MGMT: variants seen among roughly 807,000 people sequenced by gnomAD.
The protein encoded by MGMT is methylated-DNA--protein-cysteine methyltransferase.
In MGMT, 14 loss-of-function variants were observed where a neutral mutation model predicts 15.9. The observed-to-expected ratio is 0.88, with a 90% CI of 0.58 to 1.37. The LOEUF is 1.37. Ranked by LOEUF, MGMT falls within the 40% of genes most tolerant of loss-of-function variation. The probability of loss-of-function intolerance (pLI) is 0.00; values close to 1 mark genes in which losing one functional copy is unlikely to be tolerated. For synonymous variants in MGMT, 130 were observed against 118.2 expected (o/e 1.10, Z -0.65); for missense variants, 282 against 268.1 (o/e 1.05, Z -0.36).
At chr10:129,569,791 T>G (rs534906165) in intron 2 of MGMT, among the ~76,000 whole-genome samples, 1 of 152,308 alleles carries the variant, frequency 6.6e-6, no homozygotes, top group Non-Finnish European at 1.5e-5. Flanking sequence ...AGTGTCCCTT[T>G]GTGGGACGTG....
At chr10:129,727,137 C>T (rs1473031267) in intron 3 of MGMT, among the ~76,000 whole-genome samples, 1 of 152,194 alleles carries the variant, frequency 6.6e-6, no homozygotes, top group East Asian at 1.9e-4. Flanking sequence ...GTGAGCTTCA[C>T]TGCTGGTACT....
intron 2 of MGMT, among the ~76,000 whole-genome samples, chr10:129,704,601 G>A (rs909831189): frequency 1.3e-5 from 2 of 152,044 alleles, no homozygotes; most frequent in African/African-American, 4.8e-5. Flanking sequence ...TCCGACTGCT[G>A]GTCACAGTTA....
At chr10:129,607,695 G>A (rs544691536) in intron 2 of MGMT, among the ~76,000 whole-genome samples, 4 of 152,290 alleles carry the variant, frequency 2.6e-5, no homozygotes, top group African/African-American at 7.2e-5. Flanking sequence ...AAAGGAATTC[G>A]CAGTGCCAGT....
intron 3 of MGMT, among the ~76,000 whole-genome samples, chr10:129,708,476 G>A (rs1848193975): frequency 6.6e-6 from 1 of 152,180 alleles, no homozygotes; most frequent in Admixed American, 6.5e-5. Context: ...GCAGGTAGCA[G>A]CATTGGAGCT....
chr10:129,735,533 TG>T (rs1311438601), intron 3 of MGMT, among the ~76,000 whole-genome samples: 1 of 151,990 alleles, frequency 6.6e-6, no homozygotes, highest in East Asian at 1.9e-4. Flanking sequence ...GTTAATTTTT[TG>T]AAGGGTTTTT....
At chr10:129,638,860 T>C (rs1361929304) in intron 2 of MGMT, among the ~76,000 whole-genome samples, 1 of 152,090 alleles carries the variant, frequency 6.6e-6, no homozygotes, top group Non-Finnish European at 1.5e-5. Context: ...CTTTCAAACT[T>C]TGAGGGTAAA....
chr10:129,765,673 C>A (rs921600231), intron 4 of MGMT, among the ~76,000 whole-genome samples: 3 of 152,222 alleles, frequency 2.0e-5, no homozygotes, highest in Admixed American at 6.5e-5. Flanking sequence ...CCAGCCAAGG[C>A]AGGGGCTGAC....
intron 3 of MGMT, among the ~76,000 whole-genome samples, chr10:129,748,347 G>A (rs147451318): frequency 6.6e-6 from 1 of 152,232 alleles, no homozygotes; most frequent in African/African-American, 2.4e-5. Context: ...AGATTGTGCA[G>A]TTTGCTCCTG....
At chr10:129,525,988 C>T (rs1355073072) in intron 1 of MGMT, among the ~76,000 whole-genome samples, 3 of 152,192 alleles carry the variant, frequency 2.0e-5, no homozygotes, top group South Asian at 2.1e-4. Flanking sequence ...TTTGGTGAAA[C>T]GATTTCAATG....
At chr10:129,745,600 G>A (rs1848685908) in intron 3 of MGMT, among the ~76,000 whole-genome samples, 1 of 152,222 alleles carries the variant, frequency 6.6e-6, no homozygotes, top group South Asian at 2.1e-4. Context: ...CTTGCTGAGT[G>A]TACGCTACCG....
chr10:129,541,498 G>A (rs1485314803), intron 2 of MGMT, among the ~76,000 whole-genome samples: 3 of 152,128 alleles, frequency 2.0e-5, no homozygotes, highest in Non-Finnish European at 4.4e-5. Context: ...TTATTTTGGG[G>A]CTTGTTTAGT....
rs529560083 is a variant in MGMT at position 129,623,695 on chromosome 10, A to T, written c.126-84200A>T. 1.2e-4 allele frequency among the ~76,000 whole-genome samples: 18 copies of T among 152,120 alleles called. No individual in the cohort carries two copies. The South Asian group carries it at 3.7e-3, about 32-fold the overall frequency. On this transcript the variant is annotated intron_variant, in intron 2 of 4. Transcript: ENST00000651593. ...ATACGTGCACCACCACGCCTGGCTA[A>T]TTTTTTTGAAAGGACAAGTCTTGCT...
intron 1 of MGMT, among the ~76,000 whole-genome samples, chr10:129,485,378 G>T (rs866960567): frequency 2.0e-5 from 3 of 152,308 alleles, no homozygotes; most frequent in Middle Eastern, 3.4e-3. Context: ...GCACAGCCTG[G>T]AGGCTGCATC....
chr10:129,710,287 G>T (rs1848216775), intron 3 of MGMT, among the ~76,000 whole-genome samples: 1 of 152,198 alleles, frequency 6.6e-6, no homozygotes, highest in South Asian at 2.1e-4. Context: ...CCTCTAGCTG[G>T]GACGAGGTCC....
chr10:129,675,257 T>C (rs956036097), intron 2 of MGMT, among the ~76,000 whole-genome samples: 3 of 152,108 alleles, frequency 2.0e-5, no homozygotes, highest in African/African-American at 7.2e-5. Context: ...CAGAGGAGTT[T>C]CGTCTCGAGT....
intron 1 of MGMT, among the ~76,000 whole-genome samples, chr10:129,479,600 T>C (rs1845333187): frequency 6.6e-6 from 1 of 152,072 alleles, no homozygotes; most frequent in Admixed American, 6.5e-5. Context: ...GTGTGAGTGA[T>C]GATGGTAGAG....
At chr10:129,560,250 A>G (rs769994095) in intron 2 of MGMT, among the ~76,000 whole-genome samples, 1 of 152,226 alleles carries the variant, frequency 6.6e-6, no homozygotes, top group African/African-American at 2.4e-5. Context: ...TGTTGAGATC[A>G]TTCAAGGAAT....
intron 1 of MGMT, among the ~76,000 whole-genome samples, chr10:129,508,241 G>A (rs931704397): frequency 2.6e-5 from 4 of 152,236 alleles, no homozygotes; most frequent in East Asian, 1.9e-4. Flanking sequence ...ACTCCAGCCC[G>A]CCTGGAAGCC....
intron 1 of MGMT, among the ~76,000 whole-genome samples, chr10:129,512,213 C>G (rs770244655): frequency 6.6e-6 from 1 of 152,144 alleles, no homozygotes; most frequent in Non-Finnish European, 1.5e-5. Context: ...ATTCCCTCAG[C>G]GATCAGTTTC....
Sources: allele counts gnomAD v4.1 joint callset (sites outside exome capture counted in the v4.1 genomes callset), GRCh38; gene constraint gnomAD v4.1.1; transcripts MANE v1.5; gene names NCBI Gene and HGNC (gene_info 2026-07-23, HGNC 2026-07-21).